IPO8: variants seen among roughly 807,000 people sequenced by gnomAD.
IPO8 encodes importin 8.
IPO8 carries 65 observed loss-of-function variants against 141.2 expected under a neutral mutation model. That is an observed-to-expected ratio of 0.46 (90% confidence interval 0.38 to 0.57). The LOEUF (loss-of-function observed/expected upper bound fraction) is 0.57, where lower values mean the gene tolerates loss of function less well. IPO8 is among the 20% of genes least tolerant of loss of function. IPO8 has a pLI of 0.00. For missense variants in IPO8, 980 were observed against 1,246.8 expected (o/e 0.79, Z 3.22); for synonymous variants, 411 against 420.3 (o/e 0.98, Z 0.27).
Position 30,629,886 on chromosome 12 carries a change from C to A in IPO8, c.*974G>T, listed in dbSNP as rs1421735071. The A allele has an allele frequency of 6.6e-6, 1 of 152,092 alleles. No individual in the cohort carries two copies. The highest frequency in any genetic ancestry group is 6.5e-5 in the Admixed American group (1 of 15,276). 9.4% of individuals were successfully genotyped at this position (152,092 alleles called of 1,614,324 possible). A position where few individuals can be genotyped will look rare whatever the true frequency, so the allele number is the denominator to read the frequency against. ...AAAAAATATTATAAAATGCTTTGGA[C>A]CCTAGTCCAACATAGCTGGAATGAT... is the stretch of plus-strand genomic sequence containing the variant. On this transcript the variant is annotated 3_prime_UTR_variant, in exon 25 of 25. Transcript: ENST00000256079.
chr12:30,687,512 G>A (rs2053253199), intron 2 of IPO8, among the ~76,000 whole-genome samples: 2 of 142,220 alleles, frequency 1.4e-5, no homozygotes, highest in Admixed American at 7.0e-5. Context: ...ATCTCGGTGG[G>A]CAGAATGTCA....
chr12:30,639,663 T>A lies in IPO8; in HGVS notation c.2341A>T (p.Met781Leu). The change falls in exon 21 of 25, where the codon ATG becomes TTG. Residue 781 changes from methionine to leucine, a missense_variant. Met to Leu is a conservative substitution (Grantham distance 15). This residue lies in a region of IPO8 where 924 missense variants were observed against 1,153.9 expected (regional missense o/e 0.80). Coordinates refer to ENST00000256079, the MANE Select transcript of IPO8 (RefSeq NM_006390.4). ...GCAGCAATTGCAACCTGAAGACACA[T>A]AGTACGAAGCTCACTAGTTTTGACC... ...RGVKTSELRT[M>L]CLQVAIAALY... 1 of 1,614,096 alleles carries A rather than the reference T, an allele frequency of 6.2e-7. No individual in the cohort carries two copies.
intron 20 of IPO8, among the ~76,000 whole-genome samples, chr12:30,646,960 C>T (rs1395282142): frequency 2.0e-5 from 3 of 152,122 alleles, no homozygotes; most frequent in Admixed American, 6.5e-5. Context: ...AATTGACAAA[C>T]GGATCCTAAA....
rs2053329400 is a variant in IPO8 at position 30,695,429 on chromosome 12, A to G, written c.84+135T>C. ...CTGGACCGGGGGGCAGCGGGGTCGGAGAGCGGGACCAGCCGTGAGGCGTCA... is the reference window on the plus strand; with the variant it reads ...CTGGACCGGGGGGCAGCGGGGTCGGGGAGCGGGACCAGCCGTGAGGCGTCA... On this transcript the variant is annotated intron_variant, in intron 1 of 24. Coordinates refer to ENST00000256079, the MANE Select transcript of IPO8 (RefSeq NM_006390.4). The surrounding 1 kb of genome is among the most constrained non-coding windows in gnomAD (Gnocchi z 4.2). 4 of 691,336 alleles carry G rather than the reference A, an allele frequency of 5.8e-6. No individual in the cohort carries two copies. The East Asian group carries it at 1.1e-4, about 19-fold the overall frequency. The allele number at this position is 691,336 out of a possible 1,614,324, so 42.8% of individuals were successfully genotyped here.
At position 30,688,247 on chromosome 12, in the gene IPO8, A is replaced by G. The variant is rs563567241; in HGVS notation, c.166+2249T>C. On this transcript the variant is annotated intron_variant, in intron 2 of 24. Transcript: ENST00000256079. Reference sequence around the variant, plus strand: ...CTATTATGCTTATCAACACCTCAAAAGAAAAGCAGCAGACCAAACATTCAA... The same window carrying G: ...CTATTATGCTTATCAACACCTCAAAGGAAAAGCAGCAGACCAAACATTCAA... 3.5e-4 allele frequency: 90 copies of G among 256,872 alleles called. 3 individuals are homozygous for G. The highest frequency in any genetic ancestry group is 3.3e-3 in the South Asian group (89 of 27,312). 15.9% of individuals were successfully genotyped at this position (256,872 alleles called of 1,614,324 possible).
Position 30,681,751 on chromosome 12 carries a change from C to T in IPO8, c.390G>A (p.Val130=), listed in dbSNP as rs1353482071. 6.2e-7 allele frequency: 1 copy of T among 1,613,726 alleles called. No individual in the cohort carries two copies. Among genetic ancestry groups the T allele is most frequent in the Non-Finnish European group, 8.5e-7 (1 of 1,179,690 alleles). The change falls in exon 4 of 25, where the codon GTG becomes GTA. Residue 130 remains valine, a synonymous_variant. Coordinates refer to ENST00000256079, the MANE Select transcript of IPO8 (RefSeq NM_006390.4). Reference sequence around the variant, plus strand: ...GCAAGTAATAGTCTATCTTGTCGACCACTCCTGGCCAGTGACCAGGAAAAT... The same window carrying T: ...GCAAGTAATAGTCTATCTTGTCGACTACTCCTGGCCAGTGACCAGGAAAAT... ...KHDFPGHWPG[V]VDKIDYYLQS...
chr12:30,666,361 A>G, intron 10 of IPO8, 110 bp from the exon 11 acceptor site: 1 of 638,760 alleles, frequency 1.6e-6, no homozygotes, highest in Non-Finnish European at 2.6e-6. Flanking sequence ...CCATCCACAT[A>G]TGACACTGCT....
Position 30,681,771 on chromosome 12 carries a change from G to A in IPO8, c.370C>T (p.Pro124Ser). 1 of 1,613,680 alleles carries A rather than the reference G, an allele frequency of 6.2e-7. No individual in the cohort carries two copies. Among genetic ancestry groups the A allele is most frequent in the Non-Finnish European group, 8.5e-7 (1 of 1,179,712 alleles). ...TCGACCACTCCTGGCCAGTGACCAG[G>A]AAAATCATGTTTTATGATGGCACGG... is the stretch of plus-strand genomic sequence containing the variant. ...CLRAIIKHDF[P>S]GHWPGVVDKI... Residue 124 changes from proline to serine, a missense_variant, in exon 4 of 25, where the codon CCT (proline) becomes TCT (serine). Coordinates refer to ENST00000256079, the MANE Select transcript of IPO8 (RefSeq NM_006390.4).
intron 6 of IPO8, among the ~76,000 whole-genome samples, 176 bp from the exon 7 acceptor site, chr12:30,674,929 T>C (rs2053099810): frequency 6.6e-6 from 1 of 152,144 alleles, no homozygotes; most frequent in African/African-American, 2.4e-5. Context: ...GCAAAGTAAA[T>C]TTCAACTAAA....
chr12:30,690,620 G>GCTAC, intron 1 of IPO8, 43 bp from the exon 2 acceptor site: 2 of 1,069,424 alleles, frequency 1.9e-6, no homozygotes, highest in African/African-American at 1.6e-5. Context: ...GGCAATATAA[G>GCTAC]TGAGTAGCTT....
chr12:30,654,452 G>C (rs1487601518), intron 17 of IPO8, among the ~76,000 whole-genome samples: 2 of 151,606 alleles, frequency 1.3e-5, no homozygotes, highest in Non-Finnish European at 2.9e-5. Context: ...CAAAATGAGA[G>C]AAAATATTTA....
chr12:30,670,927 A>G, intron 9 of IPO8, 35 bp downstream of exon 9: 1 of 1,581,184 alleles, frequency 6.3e-7, no homozygotes, highest in Non-Finnish European at 8.6e-7. Context: ...ATTTAACCAG[A>G]GAATAATTTT....
rs1420818246 is a variant in IPO8 at position 30,695,676 on chromosome 12, G to A, written c.-29C>T. 1.9e-6 allele frequency: 3 copies of A among 1,596,410 alleles called. No homozygotes were observed. Among genetic ancestry groups the A allele is most frequent in the Middle Eastern group, 1.7e-4 (1 of 6,014 alleles). On this transcript the variant is annotated 5_prime_UTR_variant, in exon 1 of 25. Transcript: ENST00000256079. The surrounding 1 kb of genome is among the most constrained non-coding windows in gnomAD (Gnocchi z 4.2). Reference sequence around the variant, plus strand: ...CCCGGGTGGGGGCTCCGCGGCCCCCGGAACAGTAGGCCGGACTGCAGCTTT... The same window carrying A: ...CCCGGGTGGGGGCTCCGCGGCCCCCAGAACAGTAGGCCGGACTGCAGCTTT...
At chr12:30,655,423 G>T (rs1328987252) in intron 17 of IPO8, among the ~76,000 whole-genome samples, 1 of 152,088 alleles carries the variant, frequency 6.6e-6, no homozygotes, top group Non-Finnish European at 1.5e-5. Flanking sequence ...GACTAAATCT[G>T]GCATCCATTA....
At chr12:30,663,437 G>T in intron 14 of IPO8, 52 bp downstream of exon 14, 2 of 1,476,000 alleles carry the variant, frequency 1.4e-6, no homozygotes, top group Non-Finnish European at 1.9e-6. Flanking sequence ...CATTAGGGAA[G>T]AAAGTAAATG....
At chr12:30,680,290 A>C in intron 5 of IPO8, 192 bp downstream of exon 5, 1 of 483,052 alleles carries the variant, frequency 2.1e-6, no homozygotes. Context: ...AAAAGCACTT[A>C]GGGGCAGATA....
intron 1 of IPO8, among the ~76,000 whole-genome samples, chr12:30,694,571 C>T (rs887608664): frequency 2.6e-5 from 4 of 152,178 alleles, no homozygotes; most frequent in Admixed American, 2.0e-4. Flanking sequence ...AGTTAAAATA[C>T]AACTGGTCCC....
Position 30,677,215 on chromosome 12 carries a change from C to T in IPO8, c.640-628G>A, listed in dbSNP as rs576962376. On this transcript the variant is annotated intron_variant, in intron 5 of 24. Transcript: ENST00000256079. Reference sequence around the variant, plus strand: ...GTCATGCACCACATAACAAATGTTTCGGTCAGTGACAGACTGCATATACAA... The same window carrying T: ...GTCATGCACCACATAACAAATGTTTTGGTCAGTGACAGACTGCATATACAA... The T allele has an allele frequency of 1.0e-4, 58 of 568,532 alleles. No individual in the cohort carries two copies. The Middle Eastern group carries it at 2.0e-3, about 20-fold the overall frequency. 35.2% of individuals were successfully genotyped at this position (568,532 alleles called of 1,614,324 possible). A position where few individuals can be genotyped will look rare whatever the true frequency, so the allele number is the denominator to read the frequency against.
chr12:30,642,518 G>C (rs1187100133), intron 20 of IPO8, among the ~76,000 whole-genome samples: 1 of 151,692 alleles, frequency 6.6e-6, no homozygotes, highest in Non-Finnish European at 1.5e-5. Flanking sequence ...CTATTTTGTA[G>C]AAACAATGAC....
Sources: gnomAD v4.1 joint callset for allele counts (sites outside exome capture counted in the v4.1 genomes callset) on GRCh38, gnomAD v4.1.1 for gene constraint, gnomAD v4.1.1 regional missense constraint, Gnocchi (gnomAD v3.1) non-coding constraint, MANE v1.5 for transcripts, NCBI Gene and HGNC (gene_info 2026-07-23, HGNC 2026-07-21) for gene names.